PAM16: variants seen among roughly 807,000 people sequenced by gnomAD.
The protein encoded by PAM16 is presequence translocase associated motor 16.
In PAM16, 11 loss-of-function variants were observed where a neutral mutation model predicts 17.9. The ratio of observed to expected loss-of-function variants is 0.62; its 90% CI spans 0.39 to 1.02. The LOEUF (loss-of-function observed/expected upper bound fraction) is 1.02, where lower values mean the gene tolerates loss of function less well. Among genes scored for constraint, PAM16 ranks in the 50% least tolerant of loss-of-function variants. The probability of loss-of-function intolerance (pLI) is 0.01; values close to 1 mark genes in which losing one functional copy is unlikely to be tolerated. For missense variants in PAM16, 199 were observed against 165.4 expected (o/e 1.20, Z -1.11); for synonymous variants, 72 against 67.4 (o/e 1.07, Z -0.34).
In PAM16 at chr16:4,340,352, C is replaced by T. The variant is rs373336868; in HGVS notation, c.345G>A (p.Glu115=). ...GGGGCATCTGCCCTTTTTCTCTGTC[C>T]TCCTGGGCCTGGATTTTGAGTTCCT... ...LDEELKIQAQ[E]DREKGQMPHT The change falls in exon 5 of 5, where the codon GAG becomes GAA. Residue 115 remains glutamate (E), a synonymous_variant. Transcript: ENST00000318059. The T allele has an allele frequency of 7.4e-6, 12 of 1,612,888 alleles. No homozygotes were observed. Among genetic ancestry groups the T allele is most frequent in the East Asian group, 6.7e-5 (3 of 44,896 alleles).
intron 2 of PAM16, chr16:4,341,761 T>C (rs1462589401): frequency 1.8e-6 from 1 of 553,586 alleles, no homozygotes; most frequent in African/African-American, 1.9e-5. Context: ...ACCTAGACCA[T>C]GAGATGACCC....
At chr16:4,349,433 T>C (rs1411148264) in intron 1 of PAM16, among the ~76,000 whole-genome samples, 1 of 152,112 alleles carries the variant, frequency 6.6e-6, no homozygotes, top group Non-Finnish European at 1.5e-5. Flanking sequence ...CTGGGCATAG[T>C]GGAGCATGCC....
chr16:4,343,629 A>C, intron 1 of PAM16: 3 of 1,263,760 alleles, frequency 2.4e-6, no homozygotes, highest in Non-Finnish European at 3.1e-6. Flanking sequence ...GGGAGCCAGA[A>C]CACAGGGACA....
At chr16:4,350,562 G>T (rs771735574) in intron 1 of PAM16, among the ~76,000 whole-genome samples, 1 of 151,902 alleles carries the variant, frequency 6.6e-6, no homozygotes, top group South Asian at 2.1e-4. Flanking sequence ...CACCCCACCC[G>T]GCTAATTTTT....
At chr16:4,342,135 G>A (rs1188461949) in intron 2 of PAM16, among the ~76,000 whole-genome samples, 2 of 152,214 alleles carry the variant, frequency 1.3e-5, no homozygotes, top group Non-Finnish European at 2.9e-5. Context: ...CAGATCACGA[G>A]GTCAAGAGAT....
chr16:4,343,419 C>A, intron 1 of PAM16, 128 bp from the exon 2 acceptor site: 1 of 1,455,398 alleles, frequency 6.9e-7, no homozygotes, highest in South Asian at 1.4e-5. Flanking sequence ...AGCTGCAGCC[C>A]CAGGCCAACC....
At chr16:4,343,735 A>G (rs1370035085) in intron 1 of PAM16, 8 of 430,976 alleles carry the variant, frequency 1.9e-5, no homozygotes, top group East Asian at 1.1e-4. Flanking sequence ...TACTTTACCA[A>G]CGGGGAAACA....
At position 4,340,415 on chromosome 16, in the gene PAM16, C is replaced by T. The variant is rs371237275; in HGVS notation, c.292-10G>A. The T allele has an allele frequency of 8.0e-5, 128 of 1,609,706 alleles. No individual in the cohort carries two copies. In the African/African-American group the frequency reaches 1.3e-3, roughly 17 times the overall value. ...CCTTTGCGCGGACCACCTAGTGGGT[C>T]ACGGATAATCAGGCCGGGAGGCCAA... On this transcript the variant is annotated splice_polypyrimidine_tract_variant and intron_variant, in intron 4 of 4. Transcript: ENST00000318059.
intron 1 of PAM16, among the ~76,000 whole-genome samples, chr16:4,349,439 A>G (rs549411454): frequency 1.3e-5 from 2 of 152,268 alleles, no homozygotes; most frequent in Admixed American, 6.5e-5. Context: ...ATAGTGGAGC[A>G]TGCCTGTTGT....
intron 1 of PAM16, chr16:4,343,996 C>T (rs1320466023): frequency 1.8e-5 from 7 of 397,994 alleles, no homozygotes; most frequent in African/African-American, 1.4e-4. Flanking sequence ...CTACACAGAA[C>T]CTGGTCCCTG....
intron 1 of PAM16, among the ~76,000 whole-genome samples, chr16:4,350,198 T>G (rs534344220): frequency 2.4e-4 from 36 of 151,554 alleles, no homozygotes; most frequent in Non-Finnish European, 4.4e-4. Context: ...CACTGCAGCC[T>G]CTGCCTCCTG....
chr16:4,343,653 C>G (rs1456633367), intron 1 of PAM16: 1 of 990,926 alleles, frequency 1.0e-6, no homozygotes, highest in African/African-American at 1.7e-5. Flanking sequence ...CTGGACCTGG[C>G]AGTAACTCAC....
At chr16:4,344,513 T>A (rs1340018047) in intron 1 of PAM16, among the ~76,000 whole-genome samples, 51 of 28,122 alleles carry the variant, frequency 1.8e-3, no homozygotes, top group Non-Finnish European at 2.4e-3. Context: ...AGGAGGGGGT[T>A]CTGTGAGAGA....
Position 4,341,388 on chromosome 16 carries a change from T to C in PAM16, c.205A>G (p.Ser69Gly), listed in dbSNP as rs1429123893. The C allele has an allele frequency of 6.3e-7, 1 of 1,587,208 alleles. No individual in the cohort carries two copies. Among genetic ancestry groups the C allele is most frequent in the Non-Finnish European group, 8.6e-7 (1 of 1,167,062 alleles). ...CTCACCTTCTGGACCTCCTCAGGGCTCAGCTTGGACACGTTGAGAATCTGC... is the reference window on the plus strand; with the variant it reads ...CTCACCTTCTGGACCTCCTCAGGGCCCAGCTTGGACACGTTGAGAATCTGC... ...AQQILNVSKL[S>G]PEEVQKNYEH... is the part of the protein sequence containing the mutation. The change falls in exon 3 of 5, where the codon AGC becomes GGC. Residue 69 changes from serine to glycine, a missense_variant. Ser to Gly is a moderately conservative substitution (Grantham distance 56, BLOSUM62 0). Coordinates refer to ENST00000318059, the MANE Select transcript of PAM16 (RefSeq NM_016069.11).
chr16:4,343,279 C>T lies in PAM16; in HGVS notation c.16G>A (p.Ala6Thr). The change falls in exon 2 of 5, where the codon GCC (alanine) becomes ACC (threonine). Residue 6 changes from alanine (A) to threonine (T), a missense_variant. Ala to Thr is a moderately conservative substitution (Grantham distance 58). Coordinates refer to ENST00000318059, the MANE Select transcript of PAM16 (RefSeq NM_016069.11). ...TGCACGCCCATCACAATGATCTGGG[C>T]CAGGTACTTGGCCTGTGGGCAAAGC... MAKYL[A>T]QIIVMGVQVV... 1 of 1,611,534 alleles carries T rather than the reference C, an allele frequency of 6.2e-7. No homozygotes were observed. The highest frequency in any genetic ancestry group is 8.5e-7 in the Non-Finnish European group (1 of 1,179,382).
chr16:4,343,443 C>A (rs2053682870), intron 1 of PAM16, 152 bp from the exon 2 acceptor site: 2 of 1,438,122 alleles, frequency 1.4e-6, no homozygotes, highest in South Asian at 2.9e-5. Context: ...CCAAAGCACC[C>A]TGAATGAAAG....
intron 2 of PAM16, among the ~76,000 whole-genome samples, chr16:4,342,143 G>A (rs2053658057): frequency 6.6e-6 from 1 of 152,206 alleles, no homozygotes; most frequent in South Asian, 2.1e-4. Context: ...GAGGTCAAGA[G>A]ATCGAGACCA....
rs142976385 is a variant in PAM16 at position 4,340,913 on chromosome 16, C to A, written c.291+7G>T. On this transcript the variant is annotated splice_region_variant and intron_variant, in intron 4 of 4. Transcript: ENST00000318059. The stretch of plus-strand genomic sequence containing the variant: ...CTTCATTCCTCCCAGAATCAAAGAC[C>A]ACTCACCTTTGACTGCAGGTAGAAG... 5.6e-3 allele frequency: 8,997 copies of A among 1,612,938 alleles called. 36 individuals are homozygous for A. Among genetic ancestry groups the A allele is most frequent in the Non-Finnish European group, 6.7e-3 (7,866 of 1,179,666 alleles).
rs1268274781 is a variant in PAM16 at position 4,351,032 on chromosome 16, G to A, written c.3+200C>T. ...TTGCCCGGCCTCTTCCAGGCAGACG[G>A]TTTTCCCTGGCCCTGAGGCCGCCGG... On this transcript the variant is annotated intron_variant, in intron 1 of 4. Coordinates refer to ENST00000318059, the MANE Select transcript of PAM16 (RefSeq NM_016069.11). 2.1e-5 allele frequency: 7 copies of A among 331,086 alleles called. No homozygotes were observed. In the East Asian group the frequency reaches 2.9e-4, roughly 13 times the overall value. 20.5% of individuals were successfully genotyped at this position (331,086 alleles called of 1,614,324 possible). A position where few individuals can be genotyped will look rare whatever the true frequency, so the allele number is the denominator to read the frequency against.
Sources: allele counts gnomAD v4.1 joint callset (sites outside exome capture counted in the v4.1 genomes callset), GRCh38; gene constraint gnomAD v4.1.1; transcripts MANE v1.5; gene names NCBI Gene and HGNC (gene_info 2026-07-23, HGNC 2026-07-21).